PXDNL: variants seen among roughly 807,000 people sequenced by gnomAD.
PXDNL encodes probable oxidoreductase PXDNL.
PXDNL carries 145 observed loss-of-function variants against 150.8 expected under a neutral mutation model. That is an observed-to-expected ratio of 0.96 (90% CI 0.84 to 1.10). The LOEUF is 1.10. Ranked by LOEUF, PXDNL falls within the 50% of genes least tolerant of loss-of-function variation. The probability of loss-of-function intolerance (pLI) is 0.00; values close to 1 mark genes in which losing one functional copy is unlikely to be tolerated. For synonymous variants in PXDNL, 757 were observed against 725.7 expected (o/e 1.04, Z -0.69); for missense variants, 2,087 against 1,873.9 (o/e 1.11, Z -2.10).
chr8:51,490,727 AGTGTGTGTGTGTGTGTGTGT>A (rs35415972), intron 5 of PXDNL, among the ~76,000 whole-genome samples: 2 of 147,304 alleles, frequency 1.4e-5, no homozygotes, highest in East Asian at 4.0e-4. Context: ...TTGACTTTCT[AGTGTGTGTGTGTGTGTGTGT>A]GTGTGTGTGT....
intron 17 of PXDNL, among the ~76,000 whole-genome samples, chr8:51,385,382 A>C (rs771662236): frequency 6.6e-6 from 1 of 152,108 alleles, no homozygotes; most frequent in Non-Finnish European, 1.5e-5. Flanking sequence ...ATTAAATGTT[A>C]TGTTTACACA....
At chr8:51,450,782 G>A (rs887863956) in intron 10 of PXDNL, among the ~76,000 whole-genome samples, 1 of 152,196 alleles carries the variant, frequency 6.6e-6, no homozygotes, top group East Asian at 1.9e-4. Context: ...AGCAATCTCA[G>A]GCTCCTCACT....
At chr8:51,345,227 T>C (rs937587322) in intron 20 of PXDNL, among the ~76,000 whole-genome samples, 1 of 152,234 alleles carries the variant, frequency 6.6e-6, no homozygotes, top group Non-Finnish European at 1.5e-5. Context: ...GACATACCTA[T>C]GCTCAAGGTA....
chr8:51,618,096 C>T (rs1380113067), intron 2 of PXDNL, among the ~76,000 whole-genome samples: 1 of 152,232 alleles, frequency 6.6e-6, no homozygotes, highest in South Asian at 2.1e-4. Context: ...CAAAAATGGC[C>T]TTCTGGGCCC....
chr8:51,655,095 T>C (rs1371703018), intron 1 of PXDNL, among the ~76,000 whole-genome samples: 1 of 152,242 alleles, frequency 6.6e-6, no homozygotes, highest in East Asian at 1.9e-4. Context: ...CATGGCAATA[T>C]GTCAGTTGAG....
intron 1 of PXDNL, among the ~76,000 whole-genome samples, chr8:51,726,767 A>C (rs1816823783): frequency 1.1e-4 from 1 of 8,960 alleles, no homozygotes; most frequent in South Asian, 0.12. Flanking sequence ...TGAGCCACTA[A>C]AAGCTTATTT....
In PXDNL at chr8:51,408,683, T is replaced by C. The variant is rs2977020; in HGVS notation, c.2941A>G (p.Met981Val). The C allele has an allele frequency of 0.83, 1,331,448 of 1,595,596 alleles. 556,519 individuals are homozygous for C. Among genetic ancestry groups the C allele is most frequent in the East Asian group, 0.94 (41,041 of 43,846 alleles). The change falls in exon 17 of 23, where the codon ATG becomes GTG. Residue 981 changes from methionine (M) to valine (V), a missense_variant. Met to Val is a conservative substitution (Grantham distance 21). Transcript: ENST00000356297. ...TTCAGGGCGGACAGCTCCGTGGCCATCCTGTTGTGTTCCCGGAACCACAGG... is the reference window on the plus strand; with the variant it reads ...TTCAGGGCGGACAGCTCCGTGGCCACCCTGTTGTGTTCCCGGAACCACAGG... ...HTLWFREHNR[M>V]ATELSALNPH... is the part of the protein sequence containing the mutation.
rs1280874973 is a variant in PXDNL at position 51,457,529 on chromosome 8, CTG to C, written c.949_950del (p.Gln317GlufsTer86). On this transcript the variant is annotated frameshift_variant, in exon 9 of 23. Coordinates refer to ENST00000356297, the MANE Select transcript of PXDNL (RefSeq NM_144651.5). LOFTEE classifies it high-confidence loss of function. ...GACTGGAGTATCTGAGCATGGCACT[CTG>C]TGTCTTGGCTTCCCCAGCGGAATTT... ...ARNSAGEAKTQSAMLRYSSLP... is the reference protein window; with the variant it reads ...ARNSAGEAKTXSAMLRYSSLP... 2 of 1,613,126 alleles carry C rather than the reference CTG, an allele frequency of 1.2e-6. No individual in the cohort carries two copies. The highest frequency in any genetic ancestry group is 1.7e-6 in the Non-Finnish European group (2 of 1,179,548).
chr8:51,612,993 C>T (rs187483250), intron 2 of PXDNL, among the ~76,000 whole-genome samples: 3 of 152,226 alleles, frequency 2.0e-5, no homozygotes, highest in East Asian at 1.9e-4. Context: ...GCACACAGGG[C>T]GCCTAACTTG....
intron 1 of PXDNL, among the ~76,000 whole-genome samples, chr8:51,662,953 T>C (rs1339417900): frequency 6.6e-6 from 1 of 152,216 alleles, no homozygotes; most frequent in Non-Finnish European, 1.5e-5. Context: ...TTGATCTTTT[T>C]TAAATGAATC....
intron 1 of PXDNL, among the ~76,000 whole-genome samples, chr8:51,695,498 G>C (rs548911542): frequency 6.6e-6 from 1 of 151,912 alleles, no homozygotes; most frequent in Non-Finnish European, 1.5e-5. Context: ...ACGCACGCAC[G>C]CATACTTCTT....
At chr8:51,622,016 G>A (rs1434103180) in intron 2 of PXDNL, among the ~76,000 whole-genome samples, 3 of 151,982 alleles carry the variant, frequency 2.0e-5, no homozygotes, top group African/African-American at 7.2e-5. Context: ...TTAACTGGGT[G>A]GTTCTGGTTT....
intron 2 of PXDNL, among the ~76,000 whole-genome samples, chr8:51,596,071 T>C (rs1813558713): frequency 1.3e-5 from 2 of 152,076 alleles, no homozygotes; most frequent in South Asian, 4.1e-4. Context: ...ACTCTAGTAA[T>C]CCCCAGTGTC....
At chr8:51,541,268 A>AAAG (rs1563456924) in intron 4 of PXDNL, among the ~76,000 whole-genome samples, 3 of 151,768 alleles carry the variant, frequency 2.0e-5, no homozygotes, top group African/African-American at 7.3e-5. Context: ...AAAAAAAAAA[A>AAAG]AAGAATATTG....
intron 2 of PXDNL, among the ~76,000 whole-genome samples, chr8:51,623,459 AC>A (rs1814298209): frequency 1.3e-5 from 2 of 151,870 alleles, no homozygotes; most frequent in African/African-American, 4.8e-5. Context: ...AGGCTGTTTC[AC>A]TCTCCACCTA....
intron 1 of PXDNL, among the ~76,000 whole-genome samples, chr8:51,736,547 G>A (rs770605209): frequency 1.3e-5 from 2 of 152,176 alleles, no homozygotes; most frequent in Non-Finnish European, 2.9e-5. Flanking sequence ...AACAACTTTG[G>A]ATCAGCCCAC....
chr8:51,679,102 G>C (rs565098642), intron 1 of PXDNL, among the ~76,000 whole-genome samples: 1 of 152,282 alleles, frequency 6.6e-6, no homozygotes, highest in Non-Finnish European at 1.5e-5. Context: ...TATGATCGAG[G>C]TAATGCAGAG....
chr8:51,356,224 C>G (rs1806503149), intron 19 of PXDNL, among the ~76,000 whole-genome samples: 1 of 152,226 alleles, frequency 6.6e-6, no homozygotes, highest in African/African-American at 2.4e-5. Flanking sequence ...TGGGGTGGCC[C>G]ATGCCTGCAA....
At chr8:51,598,348 A>G (rs1400046678) in intron 2 of PXDNL, among the ~76,000 whole-genome samples, 1 of 152,138 alleles carries the variant, frequency 6.6e-6, no homozygotes, top group African/African-American at 2.4e-5. Context: ...TTGCCTGTTC[A>G]GTATGATGTT....
Sources: gnomAD v4.1 joint callset for allele counts (sites outside exome capture counted in the v4.1 genomes callset) on GRCh38, gnomAD v4.1.1 for gene constraint, MANE v1.5 for transcripts, NCBI Gene and HGNC (gene_info 2026-07-23, HGNC 2026-07-21) for gene names.